The following NTN4 variants were observed in gnomAD, a reference collection of about 807,000 sequenced individuals.
NTN4 encodes netrin 4, also known as netrin-4.
A neutral mutation model predicts 73.6 loss-of-function variants in NTN4; 32 were observed. The observed-to-expected ratio is 0.44, with a 90% CI of 0.33 to 0.58. The LOEUF (loss-of-function observed/expected upper bound fraction) is 0.58. Ranked by LOEUF, NTN4 falls within the 20% of genes least tolerant of loss-of-function variation. NTN4 has a pLI of 0.04. For synonymous variants in NTN4, 258 were observed against 287.5 expected, an observed-to-expected ratio of 0.90 and a Z score of 1.04; for missense variants, 654 against 798.3, an observed-to-expected ratio of 0.82 and a Z score of 2.18.
In NTN4 at chr12:95,683,541, A is replaced by G; in HGVS notation, c.1351T>C (p.Cys451Arg). ...GTGATAGGGTCACAGCTCCCCGCACAGTCACATGGTCGACAGCCATAGTCT... is the reference window on the plus strand; with the variant it reads ...GTGATAGGGTCACAGCTCCCCGCACGGTCACATGGTCGACAGCCATAGTCT... ...FGDYGCRPCD[C>R]AGSCDPITGD... The change falls in exon 6 of 10, where the codon TGT (cysteine) becomes CGT (arginine). Residue 451 changes from cysteine (C) to arginine (R), a missense_variant. Coordinates refer to ENST00000343702, the MANE Select transcript of NTN4 (RefSeq NM_021229.4). 1 of 1,614,222 alleles carries G rather than the reference A, an allele frequency of 6.2e-7. No individual in the cohort carries two copies. Among genetic ancestry groups the G allele is most frequent in the African/African-American group, 1.3e-5 (1 of 75,066 alleles).
chr12:95,685,992 C>T (rs2078357967), intron 5 of NTN4, among the ~76,000 whole-genome samples: 1 of 152,070 alleles, frequency 6.6e-6, no homozygotes, highest in African/African-American at 2.4e-5. Flanking sequence ...CTCAAGAGAT[C>T]CTCCCACCTC....
intron 3 of NTN4, among the ~76,000 whole-genome samples, chr12:95,721,628 C>T (rs1397247615): frequency 1.3e-5 from 2 of 152,072 alleles, no homozygotes; most frequent in South Asian, 2.1e-4. Context: ...TATTTACCAT[C>T]CCTATTAGAT....
intron 3 of NTN4, among the ~76,000 whole-genome samples, chr12:95,729,628 AGAGAGTGTGTGTGTGTGTGTGT>A (rs1027271884): frequency 2.0e-5 from 2 of 102,192 alleles, no homozygotes; most frequent in Admixed American, 9.4e-5. Context: ...AGAGAGAGAG[AGAGAGTGTGTGTGTGTGTGTGT>A]GTGTGTGTGT....
Position 95,787,057 on chromosome 12 carries a change from G to T in NTN4, c.467C>A (p.Pro156His), listed in dbSNP as rs781589779. 1.9e-6 allele frequency: 3 copies of T among 1,614,196 alleles called. No individual in the cohort carries two copies. Among genetic ancestry groups the T allele is most frequent in the Non-Finnish European group, 2.5e-6 (3 of 1,180,050 alleles). ...RSQDFGKTWK[P>H]YKYFATNCSA... ...GCAGTTAGTCGCAAAGTACTTATAA[G>T]GCTTCCATGTTTTCCCAAAGTCCTG... The change falls in exon 2 of 10, where the codon CCT becomes CAT. Residue 156 changes from proline (P) to histidine (H), a missense_variant. Coordinates refer to ENST00000343702, the MANE Select transcript of NTN4 (RefSeq NM_021229.4).
chr12:95,683,342 G>A (rs4762236), intron 6 of NTN4, among the ~76,000 whole-genome samples, 156 bp downstream of exon 6: 7,448 of 152,288 alleles, frequency 0.049, 266 homozygotes, highest in Non-Finnish European at 0.075. Flanking sequence ...AATTACAGGC[G>A]TGAGCCACCA....
At chr12:95,695,664 T>A (rs1418363596) in intron 5 of NTN4, among the ~76,000 whole-genome samples, 1 of 152,198 alleles carries the variant, frequency 6.6e-6, no homozygotes, top group Non-Finnish European at 1.5e-5. Flanking sequence ...TAGCCTTTAT[T>A]TTTAATGCTT....
rs146881641 is a variant in NTN4 at position 95,683,617 on chromosome 12, C to T, written c.1275G>A (p.Gly425=). ...PSNGDCPCKP[G]VAGRRCDRCM... is the part of the protein sequence containing the mutation. Reference sequence around the variant, plus strand: ...ACCTGTCACAACGTCGCCCTGCCACCCCAGGCTTGCAAGGGCAGTCACCAT... The same window carrying T: ...ACCTGTCACAACGTCGCCCTGCCACTCCAGGCTTGCAAGGGCAGTCACCAT... The change falls in exon 6 of 10, where the codon GGG becomes GGA. Residue 425 remains glycine, a synonymous_variant. Transcript: ENST00000343702. 303 of 1,614,170 alleles carry T rather than the reference C, an allele frequency of 1.9e-4. No homozygotes were observed. The highest frequency in any genetic ancestry group is 6.6e-4 in the Middle Eastern group (4 of 6,062).
intron 3 of NTN4, among the ~76,000 whole-genome samples, chr12:95,723,435 C>A (rs1346772772): frequency 6.6e-6 from 1 of 152,140 alleles, no homozygotes; most frequent in Non-Finnish European, 1.5e-5. Flanking sequence ...CATAGAAATG[C>A]AAATCAGTTG....
chr12:95,766,767 C>T (rs2079023987), intron 2 of NTN4, among the ~76,000 whole-genome samples: 1 of 152,206 alleles, frequency 6.6e-6, no homozygotes, highest in African/African-American at 2.4e-5. Context: ...GGGCTCTTCT[C>T]TTGTTTGGAG....
chr12:95,770,899 G>C (rs1364346797), intron 2 of NTN4, among the ~76,000 whole-genome samples: 1 of 152,166 alleles, frequency 6.6e-6, no homozygotes. Context: ...GGCAGGAAGG[G>C]GAAGAAGAGA....
At chr12:95,779,152 C>T (rs1259849705) in intron 2 of NTN4, among the ~76,000 whole-genome samples, 12 of 152,216 alleles carry the variant, frequency 7.9e-5, no homozygotes, top group Admixed American at 3.3e-4. Context: ...ATTGATGGGA[C>T]GTATCTCAAA....
At chr12:95,760,287 G>A (rs975059914) in intron 2 of NTN4, among the ~76,000 whole-genome samples, 16 of 152,154 alleles carry the variant, frequency 1.1e-4, no homozygotes, top group African/African-American at 3.9e-4. Context: ...ACTATTCCCA[G>A]ACTCATAGGA....
Position 95,712,787 on chromosome 12 carries a change from C to CTTTTTTTTTTTT in NTN4, c.991+413_991+424dup, listed in dbSNP as rs35614636. On this transcript the variant is annotated intron_variant, in intron 4 of 9. Transcript: ENST00000343702. ...CGGCTAATTTTTTCTTTCTTTCTTT[C>CTTTTTTTTTTTT]TTTTTTTTTTTTTTTTTTTTTTGTA... Among the ~76,000 whole-genome samples the CTTTTTTTTTTTT allele has an allele frequency of 6.0e-3, 630 of 105,648 alleles. 1 individual carries two copies. Among genetic ancestry groups the CTTTTTTTTTTTT allele is most frequent in the Non-Finnish European group, 7.3e-3 (403 of 54,888 alleles). 69.3% of individuals were successfully genotyped at this position (105,648 alleles called of 152,430 possible). A position where few individuals can be genotyped will look rare whatever the true frequency, so the allele number is the denominator to read the frequency against.
At chr12:95,730,011 A>T (rs1371789368) in intron 3 of NTN4, among the ~76,000 whole-genome samples, 1 of 152,154 alleles carries the variant, frequency 6.6e-6, no homozygotes, top group East Asian at 1.9e-4. Context: ...GGACCCAAAA[A>T]TGTTATACTG....
At chr12:95,679,026 C>T (rs372266793) in intron 7 of NTN4, among the ~76,000 whole-genome samples, 1 of 152,122 alleles carries the variant, frequency 6.6e-6, no homozygotes. Flanking sequence ...TATTGAAAGG[C>T]CTTAAAGAGC....
intron 8 of NTN4, among the ~76,000 whole-genome samples, chr12:95,667,281 C>G (rs1359402212): frequency 2.0e-5 from 3 of 151,488 alleles, no homozygotes; most frequent in Non-Finnish European, 4.4e-5. Flanking sequence ...CCTCCGCCTC[C>G]GAGGTTCAAG....
chr12:95,775,387 G>A (rs1157487660), intron 2 of NTN4, among the ~76,000 whole-genome samples: 5 of 152,226 alleles, frequency 3.3e-5, no homozygotes, highest in African/African-American at 7.2e-5. Flanking sequence ...GCGAGGCATC[G>A]CCTCACCCAG....
At chr12:95,721,160 G>A (rs1292500319) in intron 3 of NTN4, among the ~76,000 whole-genome samples, 2 of 152,106 alleles carry the variant, frequency 1.3e-5, no homozygotes, top group African/African-American at 4.8e-5. Flanking sequence ...AAGTCTCTTC[G>A]GGATGACACT....
At chr12:95,686,353 G>T (rs572976398) in intron 5 of NTN4, among the ~76,000 whole-genome samples, 4 of 152,292 alleles carry the variant, frequency 2.6e-5, no homozygotes, top group Admixed American at 2.0e-4. Context: ...GGAACACAGA[G>T]GAAAGGTGAA....
Sources: gnomAD v4.1 joint callset for allele counts (sites outside exome capture counted in the v4.1 genomes callset) on GRCh38, gnomAD v4.1.1 for gene constraint, MANE v1.5 for transcripts, NCBI Gene and HGNC (gene_info 2026-07-23, HGNC 2026-07-21) for gene names.